C9orf72: variants seen among roughly 807,000 people sequenced by gnomAD.
The protein encoded by C9orf72 is guanine nucleotide exchange factor C9orf72.
In C9orf72, 44 loss-of-function variants were observed where a neutral mutation model predicts 51.6. The observed-to-expected ratio is 0.85, with a 90% CI of 0.67 to 1.10. The LOEUF (loss-of-function observed/expected upper bound fraction) is 1.10, where lower values mean the gene tolerates loss of function less well. Among genes scored for constraint, C9orf72 ranks in the 50% least tolerant of loss-of-function variants. C9orf72 has a pLI of 0.00. For synonymous variants in C9orf72, 213 were observed against 194.2 expected, an observed-to-expected ratio of 1.10 and a Z score of -0.81; for missense variants, 607 against 570.6, an observed-to-expected ratio of 1.06 and a Z score of -0.65.
intron 9 of C9orf72, among the ~76,000 whole-genome samples, chr9:27,549,450 T>C (rs1462428209): frequency 6.6e-6 from 1 of 152,068 alleles, no homozygotes; most frequent in Non-Finnish European, 1.5e-5. Context: ...AAGCATGAAA[T>C]TCCAGGCCTA....
chr9:27,560,571 T>C (rs1281393136), intron 5 of C9orf72: 30 of 792,228 alleles, frequency 3.8e-5, no homozygotes, highest in Middle Eastern at 1.2e-3. Flanking sequence ...AATACCATCA[T>C]TTTATAGCTG....
chr9:27,548,494 A>G, intron 10 of C9orf72, 63 bp downstream of exon 10: 1 of 1,446,940 alleles, frequency 6.9e-7, no homozygotes, highest in Non-Finnish European at 9.4e-7. Context: ...GAAAATGTAC[A>G]AAGGAAACAA....
intron 8 of C9orf72, chr9:27,554,534 G>A (rs1023050435): frequency 7.5e-6 from 3 of 398,222 alleles, no homozygotes; most frequent in Non-Finnish European, 1.3e-5. Flanking sequence ...TGGGTACTAT[G>A]CTTATTACCT....
In C9orf72 at chr9:27,547,086, G is replaced by A. The variant is rs944090847; in HGVS notation, c.*1150C>T. 6.6e-5 allele frequency: 10 copies of A among 152,478 alleles called. No individual in the cohort carries two copies. The highest frequency in any genetic ancestry group is 2.4e-4 in the African/African-American group (10 of 41,390). 9.4% of individuals were successfully genotyped at this position (152,478 alleles called of 1,614,324 possible). On this transcript the variant is annotated 3_prime_UTR_variant, in exon 11 of 11. Transcript: ENST00000380003. Reference sequence around the variant, plus strand: ...TTATAGCCAGCAAAATGGTCCAAACGCATTAAGAAAACAAAAGATAACTTA... The same window carrying A: ...TTATAGCCAGCAAAATGGTCCAAACACATTAAGAAAACAAAAGATAACTTA...
intron 5 of C9orf72, chr9:27,560,505 TA>T: frequency 1.4e-6 from 1 of 695,782 alleles, no homozygotes; most frequent in Non-Finnish European, 2.1e-6. Flanking sequence ...TATTGAGCCT[TA>T]AAACAGCCCA....
At chr9:27,548,463 A>AAAAAAG (rs1820827453) in intron 10 of C9orf72, 41 bp from the exon 11 acceptor site, 1 of 1,185,074 alleles carries the variant, frequency 8.4e-7, no homozygotes, top group South Asian at 1.6e-5. Flanking sequence ...AAAAAAAAAG[A>AAAAAAG]AGCGCAAAAA....
chr9:27,562,616 GTC>G, intron 3 of C9orf72, 140 bp from the exon 4 acceptor site: 1 of 429,622 alleles, frequency 2.3e-6, no homozygotes, highest in Non-Finnish European at 4.1e-6. Flanking sequence ...TATCAAACAA[GTC>G]TACTACATGT....
rs192438062 is a variant in C9orf72, at chr9:27,554,852, G to A, written c.1091+1709C>T. Among the ~76,000 whole-genome samples, 10 of 152,166 alleles carry A rather than the reference G, an allele frequency of 6.6e-5. No homozygotes were observed. The East Asian group carries it at 1.7e-3, about 26-fold the overall frequency. ...ATGTTTAGAAAATTTAGAGCTGGAT[G>A]CAAAATTTAAAAATTCAGGATATTA... On this transcript the variant is annotated intron_variant, in intron 8 of 10. Transcript: ENST00000380003.
chr9:27,573,060 T>C (rs530223911), intron 1 of C9orf72, among the ~76,000 whole-genome samples: 1 of 152,216 alleles, frequency 6.6e-6, no homozygotes, highest in South Asian at 2.1e-4. Flanking sequence ...CCCTCCGGCC[T>C]TCCCCCAGGC....
At chr9:27,548,716 G>T in intron 9 of C9orf72, 50 bp from the exon 10 acceptor site, 2 of 1,047,982 alleles carry the variant, frequency 1.9e-6, no homozygotes, top group East Asian at 2.4e-5. Flanking sequence ...CATTCTACTC[G>T]TACAGAAGTT....
chr9:27,555,994 A>T (rs1821003056), intron 8 of C9orf72, among the ~76,000 whole-genome samples: 1 of 151,326 alleles, frequency 6.6e-6, no homozygotes, highest in African/African-American at 2.4e-5. Context: ...AGTTGGGTCC[A>T]TGCTCAACAA....
chr9:27,573,039 C>A (rs1237917382), intron 1 of C9orf72, among the ~76,000 whole-genome samples: 1 of 152,198 alleles, frequency 6.6e-6, no homozygotes, highest in Non-Finnish European at 1.5e-5. Flanking sequence ...GCAGAAGCCG[C>A]GCGCCGCCCA....
At chr9:27,550,122 T>A (rs560188994) in intron 9 of C9orf72, among the ~76,000 whole-genome samples, 238 of 150,680 alleles carry the variant, frequency 1.6e-3, no homozygotes, top group African/African-American at 4.6e-3. Flanking sequence ...AACTTTTTTT[T>A]AATATATAAA....
Position 27,556,591 on chromosome 9 carries a change from A to G in C9orf72, c.1061T>C (p.Ile354Thr), listed in dbSNP as rs750317119. 3 of 1,613,744 alleles carry G rather than the reference A, an allele frequency of 1.9e-6. No individual in the cohort carries two copies. The highest frequency in any genetic ancestry group is 2.2e-5 in the East Asian group (1 of 44,868). ...SEEDMAQDTI[I>T]YTDESFTPDL... Reference sequence around the variant, plus strand: ...AGGAGTAAAGCTTTCGTCAGTGTAGATGATCGTATCCTGAGCCATGTCTTC... The same window carrying G: ...AGGAGTAAAGCTTTCGTCAGTGTAGGTGATCGTATCCTGAGCCATGTCTTC... The change falls in exon 8 of 11, where the codon ATC becomes ACC. Residue 354 changes from isoleucine to threonine, a missense_variant. Coordinates refer to ENST00000380003, the MANE Select transcript of C9orf72 (RefSeq NM_018325.5).
chr9:27,547,344 G>GT lies in C9orf72; in HGVS notation c.*891dup, dbSNP rs2131525471. The GT allele has an allele frequency of 6.5e-6, 1 of 152,722 alleles. No homozygotes were observed. Among genetic ancestry groups the GT allele is most frequent in the East Asian group, 1.9e-4 (1 of 5,190 alleles). 9.5% of individuals were successfully genotyped at this position (152,722 alleles called of 1,614,324 possible). A position where few individuals can be genotyped will look rare whatever the true frequency, so the allele number is the denominator to read the frequency against. On this transcript the variant is annotated 3_prime_UTR_variant, in exon 11 of 11. Transcript: ENST00000380003. ...CAATGATTGCCAAAGCAGGTACATG[G>GT]TAAGACTTAGCAAGAAGAAAACAAG...
intron 9 of C9orf72, among the ~76,000 whole-genome samples, chr9:27,548,914 G>A (rs1220577255): frequency 6.6e-6 from 1 of 151,112 alleles, no homozygotes; most frequent in Non-Finnish European, 1.5e-5. Flanking sequence ...GCGCGATCTT[G>A]ACTCACTGCA....
In C9orf72 at chr9:27,556,519, A is replaced by G. The variant is rs779927591; in HGVS notation, c.1091+42T>C. On this transcript the variant is annotated intron_variant, in intron 8 of 10. Transcript: ENST00000380003. Reference sequence around the variant, plus strand: ...TTTTATTCGTAAAAGACACAATTTCATATTGCTTGACTACAGTACCAGCAG... The same window carrying G: ...TTTTATTCGTAAAAGACACAATTTCGTATTGCTTGACTACAGTACCAGCAG... 3.8e-6 allele frequency: 5 copies of G among 1,302,760 alleles called. No individual in the cohort carries two copies. The Admixed American group carries it at 5.6e-5, about 15-fold the overall frequency. The allele number at this position is 1,302,760 out of a possible 1,614,324, so 80.7% of individuals were successfully genotyped here.
chr9:27,567,189 T>G, intron 1 of C9orf72, 25 bp from the exon 2 acceptor site: 1 of 1,327,120 alleles, frequency 7.5e-7, no homozygotes, highest in Non-Finnish European at 1.1e-6. Flanking sequence ...ATGAAACCAA[T>G]GATTAGGTTC....
chr9:27,572,890 C>T (rs955812846), intron 1 of C9orf72, among the ~76,000 whole-genome samples: 66 of 152,188 alleles, frequency 4.3e-4, no homozygotes, highest in South Asian at 2.1e-4. Context: ...TGCATTGCTG[C>T]CCTCATATGC....
Sources: gnomAD v4.1 joint callset for allele counts (sites outside exome capture counted in the v4.1 genomes callset) on GRCh38, gnomAD v4.1.1 for gene constraint, MANE v1.5 for transcripts, NCBI Gene and HGNC (gene_info 2026-07-23, HGNC 2026-07-21) for gene names.